The following NALF1 variants were observed in gnomAD, a reference collection of about 807,000 sequenced individuals.
NALF1 encodes the protein family with sequence similarity 155 member A.
NALF1 carries 3 observed loss-of-function variants against 48.4 expected under a neutral mutation model. That is an observed-to-expected ratio of 0.06 (90% CI 0.03 to 0.16). NALF1 has a LOEUF of 0.16. Among genes scored for constraint, NALF1 ranks in the 10% least tolerant of loss-of-function variants. NALF1 has a pLI of 1.00. For missense variants in NALF1, 526 were observed against 571.5 expected (o/e 0.92, Z 0.81); for synonymous variants, 262 against 245.7 (o/e 1.07, Z -0.62).
chr13:107,768,332 A>C (rs978500215), intron 1 of NALF1, among the ~76,000 whole-genome samples: 5 of 152,214 alleles, frequency 3.3e-5, no homozygotes, highest in African/African-American at 1.2e-4. Flanking sequence ...CAATACTGTA[A>C]TCCTTCAATT....
chr13:107,767,880 T>A (rs965394208), intron 1 of NALF1, among the ~76,000 whole-genome samples: 2 of 152,200 alleles, frequency 1.3e-5, no homozygotes, highest in African/African-American at 4.8e-5. Context: ...TCATGTTTTA[T>A]ATGAGAAGAG....
intron 1 of NALF1, among the ~76,000 whole-genome samples, chr13:107,243,339 T>G (rs1391984489): frequency 6.6e-6 from 1 of 152,196 alleles, no homozygotes; most frequent in Admixed American, 6.5e-5. Context: ...TGTCATCTCC[T>G]CAGAGTGAGC....
chr13:107,561,926 A>T (rs559564894), intron 1 of NALF1, among the ~76,000 whole-genome samples: 2 of 152,352 alleles, frequency 1.3e-5, no homozygotes, highest in Admixed American at 1.3e-4. Flanking sequence ...CTTAGATCGT[A>T]TCAAAAGAAA....
intron 1 of NALF1, among the ~76,000 whole-genome samples, chr13:107,720,321 C>A (rs1361948121): frequency 1.3e-5 from 2 of 152,114 alleles, no homozygotes; most frequent in East Asian, 1.9e-4. Flanking sequence ...ACCAGCCTGA[C>A]CAATATGGTG....
intron 1 of NALF1, among the ~76,000 whole-genome samples, chr13:107,393,612 A>G (rs1883662692): frequency 6.6e-6 from 1 of 152,212 alleles, no homozygotes; most frequent in African/African-American, 2.4e-5. Flanking sequence ...TTCAATAGAA[A>G]TGAAAAGACG....
intron 1 of NALF1, among the ~76,000 whole-genome samples, chr13:107,660,267 G>A (rs1439752287): frequency 6.6e-6 from 1 of 151,340 alleles, no homozygotes; most frequent in Non-Finnish European, 1.5e-5. Context: ...GTGAAACCCC[G>A]TCTCTACCAA....
intron 1 of NALF1, among the ~76,000 whole-genome samples, chr13:107,352,291 G>A (rs1312494234): frequency 6.6e-6 from 1 of 152,146 alleles, no homozygotes; most frequent in African/African-American, 2.4e-5. Flanking sequence ...TCCATTGTGG[G>A]CAGGAAGTAA....
intron 1 of NALF1, among the ~76,000 whole-genome samples, chr13:107,605,072 C>A (rs2138427486): frequency 6.6e-6 from 1 of 152,232 alleles, no homozygotes; most frequent in South Asian, 2.1e-4. Context: ...GGGCGCAGAA[C>A]AATTGACTCA....
At chr13:107,258,660 G>A (rs1880868785) in intron 1 of NALF1, among the ~76,000 whole-genome samples, 2 of 152,030 alleles carry the variant, frequency 1.3e-5, no homozygotes, top group Admixed American at 6.6e-5. Context: ...AGTGATCTTG[G>A]CACTAACGAC....
chr13:107,548,842 T>C (rs886810055), intron 1 of NALF1, among the ~76,000 whole-genome samples: 21 of 152,146 alleles, frequency 1.4e-4, no homozygotes, highest in African/African-American at 4.6e-4. Flanking sequence ...GTATTATACA[T>C]ATAAATAAAA....
intron 1 of NALF1, among the ~76,000 whole-genome samples, chr13:107,706,233 C>A (rs141816349): frequency 5.1e-4 from 77 of 152,282 alleles, no homozygotes; most frequent in African/African-American, 1.7e-3. Context: ...TTCCGCAACT[C>A]CCCACATAAA....
In NALF1 at chr13:107,623,826, G is replaced by A. The variant is rs138534853; in HGVS notation, c.915+241856C>T. ...GCCTTCATGAACTAGATAATACTTC[G>A]TCAGGGGCTCAAGAAAGGAAAGAGC... On this transcript the variant is annotated intron_variant, in intron 1 of 2. Coordinates refer to ENST00000375915, the MANE Select transcript of NALF1 (RefSeq NM_001080396.3). 1.2e-4 allele frequency among the ~76,000 whole-genome samples: 18 copies of A among 152,132 alleles called. 1 individual carries two copies. In the East Asian group the frequency reaches 1.5e-3, roughly 13 times the overall value.
intron 1 of NALF1, among the ~76,000 whole-genome samples, chr13:107,623,511 G>A (rs1263980787): frequency 6.6e-6 from 1 of 151,938 alleles, no homozygotes; most frequent in African/African-American, 2.4e-5. Context: ...TGTTTAGGAT[G>A]CCTAAGACTT....
chr13:107,578,127 C>T (rs370881282), intron 1 of NALF1, among the ~76,000 whole-genome samples: 18 of 152,306 alleles, frequency 1.2e-4, no homozygotes, highest in African/African-American at 4.1e-4. Context: ...TCTCCAGTCA[C>T]TGGAACTTAA....
intron 1 of NALF1, among the ~76,000 whole-genome samples, chr13:107,324,507 T>C (rs938319175): frequency 1.3e-5 from 2 of 152,292 alleles, no homozygotes; most frequent in Middle Eastern, 3.4e-3. Context: ...AGGGCACTTG[T>C]GCACATTCAC....
chr13:107,327,462 T>C (rs1425577275), intron 1 of NALF1, among the ~76,000 whole-genome samples: 2 of 152,232 alleles, frequency 1.3e-5, no homozygotes, highest in Non-Finnish European at 2.9e-5. Flanking sequence ...TAATGGGCGA[T>C]ATTCTAATAG....
intron 1 of NALF1, among the ~76,000 whole-genome samples, chr13:107,226,819 T>C (rs1318181336): frequency 6.6e-6 from 1 of 152,136 alleles, no homozygotes; most frequent in East Asian, 1.9e-4. Context: ...ACAGTAATAT[T>C]TTTCCTCTAT....
At chr13:107,185,576 A>G (rs775671825) in intron 2 of NALF1, among the ~76,000 whole-genome samples, 3 of 152,196 alleles carry the variant, frequency 2.0e-5, no homozygotes, top group East Asian at 1.9e-4. Flanking sequence ...GTACCCATCA[A>G]TATCACCAAT....
intron 1 of NALF1, among the ~76,000 whole-genome samples, chr13:107,576,937 G>C (rs1432758361): frequency 6.6e-6 from 1 of 152,208 alleles, no homozygotes; most frequent in African/African-American, 2.4e-5. Flanking sequence ...GCATTACAAG[G>C]AAGGGAGTTA....
Sources: allele counts gnomAD v4.1 joint callset (sites outside exome capture counted in the v4.1 genomes callset), GRCh38; gene constraint gnomAD v4.1.1; transcripts MANE v1.5; gene names NCBI Gene and HGNC (gene_info 2026-07-23, HGNC 2026-07-21).